CCSER1: variants seen among roughly 807,000 people sequenced by gnomAD.
CCSER1 encodes serine-rich coiled-coil domain-containing protein 1.
A neutral mutation model predicts 82.0 loss-of-function variants in CCSER1; 41 were observed. The ratio of observed to expected loss-of-function variants is 0.50; its 90% confidence interval spans 0.39 to 0.65. The LOEUF (loss-of-function observed/expected upper bound fraction) is 0.65. Ranked by LOEUF, CCSER1 falls within the 30% of genes least tolerant of loss-of-function variation. The probability of loss-of-function intolerance (pLI) is 0.00; values close to 1 mark genes in which losing one functional copy is unlikely to be tolerated. For missense variants in CCSER1, 1,119 were observed against 1,064.2 expected, an observed-to-expected ratio of 1.05 and a Z score of -0.72; for synonymous variants, 414 against 383.9, an observed-to-expected ratio of 1.08 and a Z score of -0.92.
rs553802318 is a variant in CCSER1 at position 90,894,433 on chromosome 4, C to T, written c.2095-28937C>T. ...GCGCATGGCCCTGTGTTGAAAATGCCGAGGCAACAAATACTGTAAGACAAC... is the reference window on the plus strand; with the variant it reads ...GCGCATGGCCCTGTGTTGAAAATGCTGAGGCAACAAATACTGTAAGACAAC... On this transcript the variant is annotated intron_variant, in intron 8 of 10. Transcript: ENST00000509176. 5.3e-5 allele frequency among the ~76,000 whole-genome samples: 8 copies of T among 152,006 alleles called. No homozygotes were observed. The South Asian group carries it at 1.2e-3, about 24-fold the overall frequency.
At chr4:90,200,570 T>A (rs957390800) in intron 1 of CCSER1, among the ~76,000 whole-genome samples, 1 of 152,062 alleles carries the variant, frequency 6.6e-6, no homozygotes, top group African/African-American at 2.4e-5. Context: ...TATGAAGTTA[T>A]GGTAATTCCT....
At chr4:90,665,431 C>T (rs1731576653) in intron 6 of CCSER1, among the ~76,000 whole-genome samples, 1 of 151,956 alleles carries the variant, frequency 6.6e-6, no homozygotes, top group Non-Finnish European at 1.5e-5. Flanking sequence ...ACGCCATTCT[C>T]CTGCCTCAGC....
intron 3 of CCSER1, among the ~76,000 whole-genome samples, chr4:90,372,365 A>G (rs1282642453): frequency 6.6e-6 from 1 of 152,214 alleles, no homozygotes; most frequent in Non-Finnish European, 1.5e-5. Flanking sequence ...AGAAAGCAAT[A>G]TTGTGAGAAG....
intron 1 of CCSER1, among the ~76,000 whole-genome samples, chr4:90,267,054 A>G (rs1725366598): frequency 6.6e-6 from 1 of 152,014 alleles, no homozygotes; most frequent in African/African-American, 2.4e-5. Context: ...CCCCAATTTT[A>G]GGCTTTGGCT....
At chr4:91,324,040 A>G (rs1184542334) in intron 10 of CCSER1, among the ~76,000 whole-genome samples, 5 of 152,186 alleles carry the variant, frequency 3.3e-5, no homozygotes, top group African/African-American at 1.2e-4. Flanking sequence ...TTCACTTATG[A>G]TAATTTTGAC....
At chr4:90,250,996 CTGTATAGAGATACAATTGATTT>C (rs1465352626) in intron 1 of CCSER1, among the ~76,000 whole-genome samples, 1 of 151,858 alleles carries the variant, frequency 6.6e-6, no homozygotes, top group Non-Finnish European at 1.5e-5. Flanking sequence ...TTATTTTCTA[CTGTATAGAGATACAATTGATTT>C]TGGTGTATTC....
intron 10 of CCSER1, among the ~76,000 whole-genome samples, chr4:91,202,102 T>C (rs1336422321): frequency 6.6e-6 from 1 of 151,882 alleles, no homozygotes; most frequent in African/African-American, 2.4e-5. Flanking sequence ...AATGTAGATA[T>C]TAATCTTTAT....
intron 10 of CCSER1, among the ~76,000 whole-genome samples, chr4:91,099,483 A>G (rs1724839579): frequency 6.6e-6 from 1 of 152,238 alleles, no homozygotes; most frequent in African/African-American, 2.4e-5. Flanking sequence ...GAAGAGATTT[A>G]TTCTGAGCCA....
chr4:90,913,209 G>GA (rs1268386940), intron 8 of CCSER1, among the ~76,000 whole-genome samples: 1 of 152,014 alleles, frequency 6.6e-6, no homozygotes, highest in Non-Finnish European at 1.5e-5. Flanking sequence ...TAAAATGAAG[G>GA]AAAAAATGTT....
At chr4:91,533,780 G>A (rs17283537) in intron 10 of CCSER1, among the ~76,000 whole-genome samples, 14,708 of 151,614 alleles carry the variant, frequency 0.097, 892 homozygotes, top group East Asian at 0.15. Context: ...TTTCCCAATC[G>A]TAATTTTTAG....
chr4:91,408,842 T>A lies in CCSER1; in HGVS notation c.2218-189730T>A, dbSNP rs1285685791. ...ACAGTGCTTTATATTTTTTAAATCA[T>A]TGCTTTAAGATTAGATATGATGAAT... On this transcript the variant is annotated intron_variant, in intron 10 of 10. Transcript: ENST00000509176. Among the ~76,000 whole-genome samples the A allele has an allele frequency of 2.6e-5, 4 of 152,228 alleles. No individual in the cohort carries two copies. In the East Asian group the frequency reaches 7.7e-4, roughly 29 times the overall value.
intron 5 of CCSER1, among the ~76,000 whole-genome samples, chr4:90,574,123 G>A (rs527828535): frequency 1.3e-4 from 20 of 149,786 alleles, no homozygotes; most frequent in African/African-American, 4.9e-4. Flanking sequence ...AAACAAATTG[G>A]TTAGTTTTTC....
At chr4:90,417,920 C>T (rs1756060639) in intron 4 of CCSER1, among the ~76,000 whole-genome samples, 1 of 152,078 alleles carries the variant, frequency 6.6e-6, no homozygotes, top group Non-Finnish European at 1.5e-5. Context: ...TAAATTTCTA[C>T]AAGCTCTGAT....
At chr4:91,586,347 A>T (rs1270357868) in intron 10 of CCSER1, among the ~76,000 whole-genome samples, 1 of 151,630 alleles carries the variant, frequency 6.6e-6, no homozygotes, top group Non-Finnish European at 1.5e-5. Flanking sequence ...GGTATGTTTA[A>T]AGTTATGTGA....
intron 10 of CCSER1, among the ~76,000 whole-genome samples, chr4:91,594,462 C>T (rs1280066999): frequency 1.4e-5 from 2 of 147,690 alleles, no homozygotes; most frequent in Admixed American, 6.8e-5. Flanking sequence ...TATATACACA[C>T]ATATATACAT....
At chr4:90,204,710 T>A (rs1738449451) in intron 1 of CCSER1, among the ~76,000 whole-genome samples, 1 of 152,162 alleles carries the variant, frequency 6.6e-6, no homozygotes, top group Non-Finnish European at 1.5e-5. Flanking sequence ...TTTAAAGTAG[T>A]TTTTTCTAAT....
At chr4:91,169,047 G>T (rs917332782) in intron 10 of CCSER1, among the ~76,000 whole-genome samples, 2 of 151,890 alleles carry the variant, frequency 1.3e-5, no homozygotes, top group Admixed American at 6.6e-5. Context: ...AGTACCTAGG[G>T]ACACAAACAC....
At chr4:90,694,496 A>C (rs539870637) in intron 6 of CCSER1, among the ~76,000 whole-genome samples, 28 of 152,160 alleles carry the variant, frequency 1.8e-4, no homozygotes, top group Middle Eastern at 3.4e-3. Context: ...GAAAAAGTCA[A>C]TGGAAAGTAA....
At chr4:91,295,451 T>G (rs1744081384) in intron 10 of CCSER1, among the ~76,000 whole-genome samples, 1 of 151,940 alleles carries the variant, frequency 6.6e-6, no homozygotes, top group Non-Finnish European at 1.5e-5. Flanking sequence ...AGTACAAAAT[T>G]TATTAGAAAG....
Sources: gnomAD v4.1 joint callset for allele counts (sites outside exome capture counted in the v4.1 genomes callset) on GRCh38, gnomAD v4.1.1 for gene constraint, MANE v1.5 for transcripts, NCBI Gene and HGNC (gene_info 2026-07-23, HGNC 2026-07-21) for gene names.